Variants in VCAN observed in about 807,000 individuals in gnomAD.
VCAN encodes versican.
In VCAN, 44 loss-of-function variants were observed where a neutral mutation model predicts 245.5. That is an observed-to-expected ratio of 0.18 (90% CI 0.14 to 0.23). The LOEUF is 0.23. Ranked by LOEUF, VCAN falls within the 10% of genes least tolerant of loss-of-function variation. The probability of loss-of-function intolerance (pLI) is 1.00; values close to 1 mark genes in which losing one functional copy is unlikely to be tolerated. For missense variants in VCAN, 3,793 were observed against 4,057.9 expected (o/e 0.93, Z 1.77); for synonymous variants, 1,413 against 1,437.0 (o/e 0.98, Z 0.38).
At chr5:83,571,512 G>T (rs1368038278) in intron 12 of VCAN, among the ~76,000 whole-genome samples, 1 of 151,896 alleles carries the variant, frequency 6.6e-6, no homozygotes, top group East Asian at 1.9e-4. Context: ...ATGATGGAAG[G>T]CAAAAGATAT....
intron 13 of VCAN, among the ~76,000 whole-genome samples, chr5:83,577,135 A>T (rs1256178380): frequency 6.6e-6 from 1 of 151,964 alleles, no homozygotes; most frequent in East Asian, 1.9e-4. Context: ...CCTACTGATA[A>T]CCTACAGGTC....
At chr5:83,500,555 TATGAAA>T (rs1362655758) in intron 5 of VCAN, among the ~76,000 whole-genome samples, 1 of 152,178 alleles carries the variant, frequency 6.6e-6, no homozygotes, top group Admixed American at 6.6e-5. Flanking sequence ...ACTTAAATCT[TATGAAA>T]CCTTTGTCAG....
chr5:83,533,780 A>G (rs138482861), intron 7 of VCAN, among the ~76,000 whole-genome samples: 1 of 152,280 alleles, frequency 6.6e-6, no homozygotes, highest in East Asian at 1.9e-4. Flanking sequence ...ATGATAGTCT[A>G]AAATGGCAAG....
intron 12 of VCAN, among the ~76,000 whole-genome samples, chr5:83,571,683 AT>A (rs966617529): frequency 7.2e-5 from 11 of 152,236 alleles, no homozygotes; most frequent in African/African-American, 2.6e-4. Flanking sequence ...TTGAAGGTGT[AT>A]TTTTTATATC....
chr5:83,562,869 A>T (rs1747921258), intron 12 of VCAN, among the ~76,000 whole-genome samples: 1 of 152,120 alleles, frequency 6.6e-6, no homozygotes, highest in African/African-American at 2.4e-5. Flanking sequence ...AGTAACTCAC[A>T]TCCTTCTGAA....
chr5:83,556,426 A>G (rs1747668796), intron 12 of VCAN, among the ~76,000 whole-genome samples: 2 of 152,118 alleles, frequency 1.3e-5, no homozygotes, highest in Admixed American at 6.6e-5. Flanking sequence ...CTCTGTCACC[A>G]CTGTTTATGT....
intron 5 of VCAN, among the ~76,000 whole-genome samples, chr5:83,498,079 T>G (rs1745215360): frequency 6.6e-6 from 1 of 152,174 alleles, no homozygotes; most frequent in Admixed American, 6.6e-5. Context: ...TAGCCCTGCC[T>G]TTTGGTATTT....
At chr5:83,579,256 TGTTTTG>T (rs1748580910) in intron 13 of VCAN, among the ~76,000 whole-genome samples, 1 of 24,334 alleles carries the variant, frequency 4.1e-5, no homozygotes, top group South Asian at 1.0e-3. Flanking sequence ...TTTGTTTGTT[TGTTTTG>T]TTTTGTTTTG....
chr5:83,574,036 TG>T, intron 13 of VCAN, among the ~76,000 whole-genome samples: 1 of 152,298 alleles, frequency 6.6e-6, no homozygotes. Context: ...CCTCAAGACC[TG>T]GGGGGCCTCT....
At chr5:83,555,586 G>A (rs138761578) in intron 12 of VCAN, among the ~76,000 whole-genome samples, 1 of 152,230 alleles carries the variant, frequency 6.6e-6, no homozygotes, top group East Asian at 1.9e-4. Context: ...GGAAATGCTG[G>A]CCACAACTTT....
At position 83,537,693 on chromosome 5, in the gene VCAN, A is replaced by G. The variant is rs1161503851; in HGVS notation, c.4690A>G (p.Arg1564Gly). 3 of 1,613,964 alleles carry G rather than the reference A, an allele frequency of 1.9e-6. No homozygotes were observed. In the Admixed American group the frequency reaches 5.0e-5, roughly 27 times the overall value. Residue 1564 changes from arginine to glycine, a missense_variant, in exon 8 of 15, where the codon AGG becomes GGG. Arg to Gly is a moderately radical substitution (Grantham distance 125). Coordinates refer to ENST00000265077, the MANE Select transcript of VCAN (RefSeq NM_004385.5). ...DQESQKIAFA[R>G]ATEVTFGEEV... ...AGAATCTCAGAAAATAGCCTTTGCA[A>G]GGGCTACAGAAGTAACATTTGGTGA...
At chr5:83,472,320 G>T (rs1222059550) in intron 1 of VCAN, among the ~76,000 whole-genome samples, 1 of 152,052 alleles carries the variant, frequency 6.6e-6, no homozygotes, top group Non-Finnish European at 1.5e-5. Context: ...GGAATAAATT[G>T]TAAAGAAATC....
At chr5:83,508,237 A>G (rs1414974960) in intron 5 of VCAN, among the ~76,000 whole-genome samples, 4 of 152,150 alleles carry the variant, frequency 2.6e-5, no homozygotes, top group African/African-American at 4.8e-5. Context: ...CTTTGCTTCT[A>G]TCTTAAACAG....
intron 10 of VCAN, 33 bp downstream of exon 10, chr5:83,548,117 A>G: frequency 6.4e-7 from 1 of 1,561,768 alleles, no homozygotes; most frequent in Admixed American, 1.7e-5. Context: ...TATGATGAAC[A>G]TTATTGATTT....
At chr5:83,484,707 T>C (rs1744735895) in intron 2 of VCAN, among the ~76,000 whole-genome samples, 1 of 152,208 alleles carries the variant, frequency 6.6e-6, no homozygotes. Flanking sequence ...AACTTACTTC[T>C]CTAGTTATGG....
Position 83,545,563 on chromosome 5 carries a change from T to C in VCAN, c.9292T>C (p.Cys3098Arg), listed in dbSNP as rs1747174142. ...PGPDRCKMNPCLNGGTCYPTE... is the reference protein window; with the variant it reads ...PGPDRCKMNPRLNGGTCYPTE... ...ACCTGATCGCTGCAAAATGAACCCG[T>C]GCCTTAACGGAGGCACCTGTTATCC... The change falls in exon 9 of 15, where the codon TGC becomes CGC. Residue 3098 changes from cysteine (C) to arginine (R), a missense_variant. This residue lies in a region of VCAN where 3,182 missense variants were observed against 3,250.3 expected (regional missense o/e 0.98). Coordinates refer to ENST00000265077, the MANE Select transcript of VCAN (RefSeq NM_004385.5). The C allele has an allele frequency of 6.2e-7, 1 of 1,614,140 alleles. No homozygotes were observed. The highest frequency in any genetic ancestry group is 8.5e-7 in the Non-Finnish European group (1 of 1,179,990).
At chr5:83,548,783 C>G (rs1282960358) in intron 10 of VCAN, among the ~76,000 whole-genome samples, 1 of 152,200 alleles carries the variant, frequency 6.6e-6, no homozygotes, top group African/African-American at 2.4e-5. Context: ...TAAACTCGTA[C>G]AGTGGTTTGG....
chr5:83,520,299 G>A lies in VCAN; in HGVS notation c.1993G>A (p.Val665Ile). Residue 665 changes from valine (V) to isoleucine (I), a missense_variant, in exon 7 of 15, where the codon GTA becomes ATA. Physicochemically the swap from Val to Ile is conservative, Grantham distance 29. This residue lies in a region of VCAN where 3,182 missense variants were observed against 3,250.3 expected (regional missense o/e 0.98). Transcript: ENST00000265077. ...LFPYSGDKILVEGISTVIYPS... is the reference protein window; with the variant it reads ...LFPYSGDKILIEGISTVIYPS... ...TCCTTATTCTGGTGATAAAATATTA[G>A]TAGAGGGAATTTCCACAGTTATTTA... 1 of 1,613,820 alleles carries A rather than the reference G, an allele frequency of 6.2e-7. No homozygotes were observed. Among genetic ancestry groups the A allele is most frequent in the Non-Finnish European group, 8.5e-7 (1 of 1,179,932 alleles).
intron 12 of VCAN, among the ~76,000 whole-genome samples, chr5:83,566,042 C>T (rs1199516958): frequency 1.6e-5 from 1 of 61,044 alleles, no homozygotes; most frequent in African/African-American, 8.9e-5. Flanking sequence ...TTGCTCACTG[C>T]AACCTCCGCC....
Sources: allele counts gnomAD v4.1 joint callset (sites outside exome capture counted in the v4.1 genomes callset), GRCh38; gene constraint gnomAD v4.1.1; regional missense constraint gnomAD v4.1.1; transcripts MANE v1.5; gene names NCBI Gene and HGNC (gene_info 2026-07-23, HGNC 2026-07-21).